The following CCDC141 variants were observed in gnomAD, a reference collection of about 807,000 sequenced individuals.
The protein encoded by CCDC141 is coiled-coil domain containing 141, also known as coiled-coil domain-containing protein 141.
Under a neutral mutation model 181.0 loss-of-function variants are expected in CCDC141, and 168 were observed. The observed-to-expected ratio is 0.93, with a 90% confidence interval of 0.82 to 1.05. CCDC141 has a LOEUF of 1.05. CCDC141 is among the 50% of genes least tolerant of loss of function. The pLI is 0.00. For synonymous variants in CCDC141, 666 were observed against 642.3 expected, an observed-to-expected ratio of 1.04 and a Z score of -0.56; for missense variants, 1,902 against 1,788.5, an observed-to-expected ratio of 1.06 and a Z score of -1.14.
intron 23 of CCDC141, 77 bp downstream of exon 23, chr2:178,836,817 A>C (rs1684493310): frequency 6.8e-7 from 1 of 1,477,362 alleles, no homozygotes; most frequent in Admixed American, 2.2e-5. Flanking sequence ...TAAACCTTTC[A>C]GTTAGTGCTC....
At chr2:179,039,539 A>G (rs1276146484) in intron 2 of CCDC141, among the ~76,000 whole-genome samples, 1 of 152,070 alleles carries the variant, frequency 6.6e-6, no homozygotes, top group African/African-American at 2.4e-5. Flanking sequence ...TAATTTCTCA[A>G]ATAAAGACCC....
At chr2:178,884,787 C>G (rs1686800576) in intron 11 of CCDC141, 114 bp downstream of exon 11, 1 of 685,546 alleles carries the variant, frequency 1.5e-6, no homozygotes, top group Non-Finnish European at 2.4e-6. Context: ...TGAGCCCACG[C>G]ACAGGGGTAG....
chr2:178,884,017 G>A (rs1224849911), intron 11 of CCDC141, among the ~76,000 whole-genome samples: 1 of 151,954 alleles, frequency 6.6e-6, no homozygotes, highest in Non-Finnish European at 1.5e-5. Flanking sequence ...AACTGCTAAG[G>A]TATTCAAAAA....
At chr2:178,936,782 C>A (rs1689307679) in intron 6 of CCDC141, among the ~76,000 whole-genome samples, 1 of 151,652 alleles carries the variant, frequency 6.6e-6, no homozygotes, top group Non-Finnish European at 1.5e-5. Flanking sequence ...GGGCAGTGTT[C>A]CCTAATTCTC....
chr2:178,961,063 A>T (rs929648497), intron 5 of CCDC141, among the ~76,000 whole-genome samples, 167 bp downstream of exon 5: 1 of 152,112 alleles, frequency 6.6e-6, no homozygotes, highest in Non-Finnish European at 1.5e-5. Flanking sequence ...ATTTGTTTTT[A>T]TGTTACTTAC....
At chr2:179,016,184 G>A (rs908302652) in intron 2 of CCDC141, among the ~76,000 whole-genome samples, 1 of 142,100 alleles carries the variant, frequency 7.0e-6, no homozygotes, top group Non-Finnish European at 1.5e-5. Flanking sequence ...AATGGACTTT[G>A]AGGACTTGGG....
Position 179,049,990 on chromosome 2 carries a change from T to A in CCDC141, c.-49A>T. The A allele has an allele frequency of 6.5e-7, 1 of 1,549,148 alleles. No individual in the cohort carries two copies. The highest frequency in any genetic ancestry group is 8.7e-7 in the Non-Finnish European group (1 of 1,146,122). ...ACTTTGGGCAGCCTCTGGACAGTTG[T>A]GTGTCTGCTGGTCATTTCAGAAGGC... On this transcript the variant is annotated 5_prime_UTR_variant, in exon 1 of 24. Transcript: ENST00000443758.
intron 8 of CCDC141, among the ~76,000 whole-genome samples, chr2:178,893,009 T>G (rs1315538410): frequency 2.6e-5 from 4 of 152,182 alleles, no homozygotes; most frequent in Non-Finnish European, 5.9e-5. Flanking sequence ...GATTGACCTT[T>G]GGGCTGTCTC....
chr2:178,877,643 C>G (rs530190530), intron 12 of CCDC141: 3 of 361,522 alleles, frequency 8.3e-6, no homozygotes, highest in South Asian at 5.2e-5. Flanking sequence ...TTGAAAGGAC[C>G]TTGTTGCATG....
chr2:179,019,808 CCAGACTGGAGCG>C (rs920878296), intron 2 of CCDC141, among the ~76,000 whole-genome samples: 51 of 151,914 alleles, frequency 3.4e-4, no homozygotes, highest in African/African-American at 1.2e-3. Context: ...ACTCTGTCTC[CCAGACTGGAGCG>C]CAGTGGCATG....
In CCDC141 at chr2:179,050,018, G is replaced by A; in HGVS notation, c.-77C>T. The A allele has an allele frequency of 6.5e-7, 1 of 1,540,224 alleles. No homozygotes were observed. The highest frequency in any genetic ancestry group is 8.8e-7 in the Non-Finnish European group (1 of 1,141,334). On this transcript the variant is annotated 5_prime_UTR_variant, in exon 1 of 24. Transcript: ENST00000443758. The stretch of plus-strand genomic sequence containing the variant: ...GTCTGCTGGTCATTTCAGAAGGCCA[G>A]GGTTACTTGGATTCATTCAGGGAAA...
intron 6 of CCDC141, among the ~76,000 whole-genome samples, chr2:178,924,358 A>G: frequency 6.6e-6 from 1 of 152,204 alleles, no homozygotes; most frequent in East Asian, 1.9e-4. Flanking sequence ...CCTCAAGTCT[A>G]CAGTTCCATT....
At chr2:178,910,607 A>G (rs1263422498) in intron 7 of CCDC141, among the ~76,000 whole-genome samples, 1 of 152,176 alleles carries the variant, frequency 6.6e-6, no homozygotes, top group Non-Finnish European at 1.5e-5. Context: ...CACTCTGGGG[A>G]ACTGATTCCT....
intron 9 of CCDC141, among the ~76,000 whole-genome samples, chr2:178,888,311 T>A (rs1444426706): frequency 1.3e-5 from 2 of 152,180 alleles, no homozygotes; most frequent in Admixed American, 6.6e-5. Context: ...TGTGTATACC[T>A]TCAGGCCAGA....
intron 5 of CCDC141, among the ~76,000 whole-genome samples, chr2:178,946,761 T>C (rs1689749828): frequency 6.6e-6 from 1 of 152,164 alleles, no homozygotes; most frequent in Non-Finnish European, 1.5e-5. Context: ...CCTCATCTTC[T>C]AGATTTGGCA....
At chr2:178,886,940 GGAA>G (rs773170024) in intron 9 of CCDC141, 69 bp from the exon 10 acceptor site, 46 of 893,066 alleles carry the variant, frequency 5.2e-5, no homozygotes, top group Admixed American at 4.8e-4. Context: ...ACATGTGTCA[GGAA>G]GATAAATATT....
At chr2:179,015,028 C>A (rs1156658024) in intron 2 of CCDC141, among the ~76,000 whole-genome samples, 2 of 126,334 alleles carry the variant, frequency 1.6e-5, no homozygotes, top group South Asian at 5.1e-4. Context: ...ACCCAAATGC[C>A]CATCAATCAA....
intron 5 of CCDC141, among the ~76,000 whole-genome samples, chr2:178,955,956 C>T (rs955663328): frequency 3.3e-5 from 5 of 152,126 alleles, no homozygotes; most frequent in Non-Finnish European, 5.9e-5. Flanking sequence ...CATGACATTG[C>T]GGGGGCAAGG....
At chr2:178,966,176 G>A (rs571857956) in intron 4 of CCDC141, among the ~76,000 whole-genome samples, 7 of 152,334 alleles carry the variant, frequency 4.6e-5, no homozygotes, top group African/African-American at 4.8e-5. Flanking sequence ...GGAAAGGGGC[G>A]CCTATGGGCG....
Sources: allele counts gnomAD v4.1 joint callset (sites outside exome capture counted in the v4.1 genomes callset), GRCh38; gene constraint gnomAD v4.1.1; transcripts MANE v1.5; gene names NCBI Gene and HGNC (gene_info 2026-07-23, HGNC 2026-07-21).